The following PCDHGA8 variants were observed in gnomAD, a reference collection of about 807,000 sequenced individuals.
PCDHGA8 encodes protocadherin gamma-A8.
PCDHGA8 carries 45 observed loss-of-function variants against 59.2 expected under a neutral mutation model. That is an observed-to-expected ratio of 0.76 (90% CI 0.60 to 0.98). The LOEUF is 0.98. Among genes scored for constraint, PCDHGA8 ranks in the 50% least tolerant of loss-of-function variants. The pLI is 0.00. For synonymous variants in PCDHGA8, 531 were observed against 519.0 expected, an observed-to-expected ratio of 1.02 and a Z score of -0.32; for missense variants, 1,257 against 1,196.2, an observed-to-expected ratio of 1.05 and a Z score of -0.75.
At chr5:141,464,558 A>G (rs1276921889) in intron 1 of PCDHGA8, among the ~76,000 whole-genome samples, 2 of 152,176 alleles carry the variant, frequency 1.3e-5, no homozygotes, top group Non-Finnish European at 2.9e-5. Context: ...CCCATCTTGC[A>G]TTCCTACAAA....
chr5:141,395,099 C>T lies in PCDHGA8; in HGVS notation c.2286C>T (p.Asp762=). 1 of 1,614,228 alleles carries T rather than the reference C, an allele frequency of 6.2e-7. No individual in the cohort carries two copies. Among genetic ancestry groups the T allele is most frequent in the Non-Finnish European group, 8.5e-7 (1 of 1,180,052 alleles). ...TYSQEVSLTA[D]SRKSHLIFPQ... ...CCCAGGAAGTCTCCCTCACCGCCGA[C>T]TCGCGGAAGAGTCACCTGATCTTTC... The change falls in exon 1 of 4, where the codon GAC becomes GAT. Residue 762 remains aspartate (D), a synonymous_variant. Coordinates refer to ENST00000398604, the MANE Select transcript of PCDHGA8 (RefSeq NM_032088.2).
intron 1 of PCDHGA8, chr5:141,492,033 C>A: frequency 1.8e-6 from 1 of 548,342 alleles, no homozygotes; most frequent in Non-Finnish European, 3.1e-6. Flanking sequence ...CGGGAGGAGG[C>A]AGTCACAGAT....
In PCDHGA8 at chr5:141,432,249, A is replaced by G; in HGVS notation, c.2424+37012A>G. The G allele has an allele frequency of 6.2e-7, 1 of 1,614,206 alleles. No individual in the cohort carries two copies. Among genetic ancestry groups the G allele is most frequent in the Non-Finnish European group, 8.5e-7 (1 of 1,180,044 alleles). On this transcript the variant is annotated intron_variant, in intron 1 of 3. Coordinates refer to ENST00000398604, the MANE Select transcript of PCDHGA8 (RefSeq NM_032088.2). The surrounding 1 kb of genome is among the most constrained non-coding windows in gnomAD (Gnocchi z 6.0). ...TATTCCCTGGCTGAGAACACCATCC[A>G]AGGGGCAAGCCTATCGTCCTACGTG...
intron 1 of PCDHGA8, among the ~76,000 whole-genome samples, chr5:141,434,567 C>T (rs1220152239): frequency 6.6e-6 from 1 of 152,206 alleles, no homozygotes; most frequent in East Asian, 1.9e-4. Flanking sequence ...TAAGGACATG[C>T]CCCTGCTGCA....
intron 1 of PCDHGA8, among the ~76,000 whole-genome samples, chr5:141,464,151 G>A (rs2099076865): frequency 6.6e-6 from 1 of 151,818 alleles, no homozygotes; most frequent in Non-Finnish European, 1.5e-5. Flanking sequence ...TGTAGTCCCA[G>A]CTACTTGGAA....
At chr5:141,400,773 T>A in intron 1 of PCDHGA8, 1 of 572,450 alleles carries the variant, frequency 1.7e-6, no homozygotes, top group East Asian at 2.9e-5. Flanking sequence ...AAACATTTGG[T>A]GCGTTTTTTT....
At chr5:141,413,195 G>A (rs771456948) in intron 1 of PCDHGA8, 2 of 1,610,846 alleles carry the variant, frequency 1.2e-6, no homozygotes, top group Admixed American at 1.7e-5. Context: ...CAAAGGAATC[G>A]CTCAAAGGAA....
At position 141,490,870 on chromosome 5, in the gene PCDHGA8, T is replaced by C; in HGVS notation, c.2425-3937T>C. Reference sequence around the variant, plus strand: ...GGTTCGAGACTCCGGCTCTCCCCCATTGCATGCCAACACATCTCTGCATGT... The same window carrying C: ...GGTTCGAGACTCCGGCTCTCCCCCACTGCATGCCAACACATCTCTGCATGT... On this transcript the variant is annotated intron_variant, in intron 1 of 3. Coordinates refer to ENST00000398604, the MANE Select transcript of PCDHGA8 (RefSeq NM_032088.2). The surrounding 1 kb of genome is among the most constrained non-coding windows in gnomAD (Gnocchi z 5.4). 6.2e-7 allele frequency: 1 copy of C among 1,613,888 alleles called. No homozygotes were observed. Among genetic ancestry groups the C allele is most frequent in the Non-Finnish European group, 8.5e-7 (1 of 1,179,932 alleles).
rs1019219811 is a variant in PCDHGA8, at chr5:141,420,399, T to G, written c.2424+25162T>G. ...AGAGTTCGCAAAATATAGGTCAAAT[T>G]TATGGTTATCATTATTAAAACAAAA... On this transcript the variant is annotated intron_variant, in intron 1 of 3. Transcript: ENST00000398604. 5.6e-6 allele frequency: 7 copies of G among 1,257,080 alleles called. No individual in the cohort carries two copies. In the Admixed American group the frequency reaches 1.8e-4, roughly 32 times the overall value. 77.9% of individuals were successfully genotyped at this position (1,257,080 alleles called of 1,614,324 possible).
intron 3 of PCDHGA8, 40 bp downstream of exon 3, chr5:141,505,521 T>C: frequency 1.9e-6 from 3 of 1,612,684 alleles, no homozygotes; most frequent in Non-Finnish European, 2.5e-6. Context: ...GTGGGAGACC[T>C]GGGGTTCTGG....
At chr5:141,428,174 G>A (rs962782246) in intron 1 of PCDHGA8, 3 of 1,515,246 alleles carry the variant, frequency 2.0e-6, no homozygotes, top group Non-Finnish European at 2.7e-6. Context: ...TGTGCGTGAC[G>A]GAGGACAGCC....
intron 1 of PCDHGA8, chr5:141,478,509 G>A: frequency 1.2e-6 from 2 of 1,611,878 alleles, no homozygotes; most frequent in South Asian, 1.1e-5. Flanking sequence ...GTGTTCTATA[G>A]GCAGGTGTTG....
chr5:141,399,619 G>C (rs749025661), intron 1 of PCDHGA8: 1 of 1,613,902 alleles, frequency 6.2e-7, no homozygotes, highest in Non-Finnish European at 8.5e-7. Context: ...TCTGGCACTG[G>C]CCTCTTACGT....
intron 2 of PCDHGA8, 62 bp downstream of exon 2, chr5:141,494,927 G>C: frequency 6.2e-7 from 1 of 1,613,516 alleles, no homozygotes; most frequent in Non-Finnish European, 8.5e-7. Context: ...GATGACGTGG[G>C]AGGAGATGGG....
intron 1 of PCDHGA8, chr5:141,397,868 A>T (rs1331188362): frequency 1.4e-5 from 8 of 573,128 alleles, no homozygotes; most frequent in Non-Finnish European, 2.1e-5. Context: ...CCTAGTGCTG[A>T]CTCTGGGCGC....
chr5:141,443,618 G>A (rs901899343), intron 1 of PCDHGA8, among the ~76,000 whole-genome samples: 2 of 152,178 alleles, frequency 1.3e-5, no homozygotes, highest in Non-Finnish European at 2.9e-5. Context: ...TTATAATCAG[G>A]TGATTGTAAA....
At position 141,486,209 on chromosome 5, in the gene PCDHGA8, A is replaced by G. The variant is rs749965379; in HGVS notation, c.2425-8598A>G. 1.2e-6 allele frequency: 2 copies of G among 1,614,080 alleles called. No homozygotes were observed. The highest frequency in any genetic ancestry group is 1.7e-6 in the Non-Finnish European group (2 of 1,179,988). ...AGTGGATCTGCTGGACGTAAATGAC[A>G]ATGCCCCTTACATCACAGTGACCTC... On this transcript the variant is annotated intron_variant, in intron 1 of 3. Transcript: ENST00000398604. The surrounding 1 kb of genome is among the most constrained non-coding windows in gnomAD (Gnocchi z 5.0).
At chr5:141,423,256 G>A (rs751894091) in intron 1 of PCDHGA8, 3 of 1,613,816 alleles carry the variant, frequency 1.9e-6, no homozygotes, top group South Asian at 2.2e-5. Context: ...GGCGGACCTC[G>A]GCAGCCTCGA....
chr5:141,439,709 A>G (rs2098127560), intron 1 of PCDHGA8: 1 of 152,540 alleles, frequency 6.6e-6, no homozygotes, highest in African/African-American at 2.4e-5. Context: ...TATGGCTCCT[A>G]GTTCTACAAA....
Sources: gnomAD v4.1 joint callset for allele counts (sites outside exome capture counted in the v4.1 genomes callset) on GRCh38, gnomAD v4.1.1 for gene constraint, Gnocchi (gnomAD v3.1) non-coding constraint, MANE v1.5 for transcripts, NCBI Gene and HGNC (gene_info 2026-07-23, HGNC 2026-07-21) for gene names.